The following WIPI2 variants were observed in gnomAD, a reference collection of about 807,000 sequenced individuals.
WIPI2 encodes the protein WD repeat domain phosphoinositide-interacting protein 2.
A neutral mutation model predicts 52.3 loss-of-function variants in WIPI2; 28 were observed. The observed-to-expected ratio is 0.54, with a 90% CI of 0.40 to 0.73. WIPI2 has a LOEUF of 0.73. WIPI2 is among the 30% of genes least tolerant of loss of function. The pLI is 0.00. For missense variants in WIPI2, 506 were observed against 602.9 expected (o/e 0.84, Z 1.68); for synonymous variants, 268 against 245.0 (o/e 1.09, Z -0.88).
intron 2 of WIPI2, among the ~76,000 whole-genome samples, chr7:5,195,434 C>T (rs1002865127): frequency 6.6e-6 from 1 of 152,078 alleles, no homozygotes; most frequent in Non-Finnish European, 1.5e-5. Flanking sequence ...TGCAGTAAGG[C>T]GAGATCGCAC....
Position 5,217,184 on chromosome 7 carries a change from T to C in WIPI2, c.573T>C (p.Asn191=). The C allele has an allele frequency of 6.2e-7, 1 of 1,614,132 alleles. No homozygotes were observed. The highest frequency in any genetic ancestry group is 1.3e-5 in the African/African-American group (1 of 75,038). ...IGEVQVFDTI[N]LRAANMIPAH... ...AGGTGCAGGTCTTCGATACCATTAA[T>C]TTGGTGAGATGCCTTTCCTGCTCGA... Residue 191 remains asparagine, a synonymous_variant, in exon 6 of 13, where the codon AAT becomes AAC. Transcript: ENST00000288828.
intron 3 of WIPI2, among the ~76,000 whole-genome samples, chr7:5,209,199 CAT>C (rs979371966): frequency 1.4e-4 from 22 of 152,160 alleles, no homozygotes; most frequent in African/African-American, 5.3e-4. Flanking sequence ...TTGCTAAATT[CAT>C]ATATTAAATA....
In WIPI2 at chr7:5,232,254, G is replaced by A. The variant is rs1379230443; in HGVS notation, c.*1307G>A. 1 of 398,564 alleles carries A rather than the reference G, an allele frequency of 2.5e-6. No individual in the cohort carries two copies. The highest frequency in any genetic ancestry group is 4.4e-6 in the Non-Finnish European group (1 of 226,086). The allele number at this position is 398,564 out of a possible 1,614,324, so 24.7% of individuals were successfully genotyped here. On this transcript the variant is annotated 3_prime_UTR_variant, in exon 13 of 13. Coordinates refer to ENST00000288828, the MANE Select transcript of WIPI2 (RefSeq NM_015610.4). ...GGCTGGGGTTTTTGAACCGAGGAAG[G>A]CTGGGACGCCTGTTTCCAGATGGTT... is the stretch of plus-strand genomic sequence containing the variant.
chr7:5,194,381 GGA>G (rs2115194554), intron 2 of WIPI2, among the ~76,000 whole-genome samples: 1 of 152,248 alleles, frequency 6.6e-6, no homozygotes, highest in South Asian at 2.1e-4. Context: ...TGATGAAGAA[GGA>G]GAGTCTTTAC....
chr7:5,222,734 T>C, intron 8 of WIPI2, 62 bp downstream of exon 8: 1 of 1,497,112 alleles, frequency 6.7e-7, no homozygotes, highest in Non-Finnish European at 9.3e-7. Flanking sequence ...AGTTTTATGT[T>C]ATCTATGAAC....
intron 3 of WIPI2, among the ~76,000 whole-genome samples, chr7:5,205,466 C>T (rs960032314): frequency 6.6e-6 from 1 of 152,208 alleles, no homozygotes; most frequent in Non-Finnish European, 1.5e-5. Flanking sequence ...GTTAGAGATT[C>T]AGGAAGCCCA....
At position 5,229,475 on chromosome 7, in the gene WIPI2, C is replaced by G; in HGVS notation, c.1122-133C>G. 5.5e-6 allele frequency: 6 copies of G among 1,089,206 alleles called. No individual in the cohort carries two copies. In the South Asian group the frequency reaches 1.0e-4, roughly 18 times the overall value. The allele number at this position is 1,089,206 out of a possible 1,614,324, so 67.5% of individuals were successfully genotyped here. A position where few individuals can be genotyped will look rare whatever the true frequency, so the allele number is the denominator to read the frequency against. On this transcript the variant is annotated intron_variant, in intron 11 of 12. Transcript: ENST00000288828. ...CAGATAGACGAGATTAAAGTTGCCACGGCGTGATGAATGCCTGGCGTCCTG... is the reference window on the plus strand; with the variant it reads ...CAGATAGACGAGATTAAAGTTGCCAGGGCGTGATGAATGCCTGGCGTCCTG...
At chr7:5,195,527 TAA>T (rs1318953533) in intron 2 of WIPI2, among the ~76,000 whole-genome samples, 2 of 152,210 alleles carry the variant, frequency 1.3e-5, no homozygotes, top group African/African-American at 4.8e-5. Flanking sequence ...TCTGTTGACT[TAA>T]AAATAAATAA....
chr7:5,222,955 G>T (rs918889818), intron 8 of WIPI2: 1 of 403,260 alleles, frequency 2.5e-6, no homozygotes, highest in African/African-American at 2.1e-5. Flanking sequence ...GCAGCTCCCA[G>T]CCTGCTGTAA....
chr7:5,203,625 C>CTTTTTTTTTTTTT (rs10709311), intron 3 of WIPI2, among the ~76,000 whole-genome samples: 1 of 66,394 alleles, frequency 1.5e-5, no homozygotes, highest in Non-Finnish European at 2.8e-5. Flanking sequence ...TACGTTCAGC[C>CTTTTTTTTTTTTT]TTTTTTTTTT....
chr7:5,195,119 G>A (rs1363508156), intron 2 of WIPI2, among the ~76,000 whole-genome samples: 1 of 152,160 alleles, frequency 6.6e-6, no homozygotes, highest in Admixed American at 6.5e-5. Context: ...GGGGATACTG[G>A]CAAAATGGGG....
At chr7:5,220,857 G>A (rs908157851) in intron 7 of WIPI2, among the ~76,000 whole-genome samples, 5 of 151,680 alleles carry the variant, frequency 3.3e-5, no homozygotes, top group African/African-American at 4.9e-5. Flanking sequence ...GCAATGGCGC[G>A]ATCTCAGCTC....
At position 5,232,927 on chromosome 7, in the gene WIPI2, A is replaced by T. The variant is rs1448386873; in HGVS notation, c.*1980A>T. 1 of 152,242 alleles carries T rather than the reference A, an allele frequency of 6.6e-6. No homozygotes were observed. Among genetic ancestry groups the T allele is most frequent in the East Asian group, 1.9e-4 (1 of 5,200 alleles). 9.4% of individuals were successfully genotyped at this position (152,242 alleles called of 1,614,324 possible). On this transcript the variant is annotated 3_prime_UTR_variant, in exon 13 of 13. Coordinates refer to ENST00000288828, the MANE Select transcript of WIPI2 (RefSeq NM_015610.4). ...CTTTCTTTGGGATTGGTAGTATAGA[A>T]GATGCTGGGAATTGTCTTCCTCGCT...
chr7:5,214,479 C>T (rs747164880), intron 3 of WIPI2, 56 bp from the exon 4 acceptor site: 14 of 1,613,914 alleles, frequency 8.7e-6, no homozygotes, highest in Middle Eastern at 3.3e-4. Context: ...CAGATTCTGC[C>T]TGTGGCCATA....
chr7:5,215,032 C>T (rs186249596), intron 4 of WIPI2, among the ~76,000 whole-genome samples: 67 of 152,344 alleles, frequency 4.4e-4, no homozygotes, highest in Non-Finnish European at 7.2e-4. Context: ...TATATTTGGC[C>T]GAGCACAGTG....
Position 5,230,923 on chromosome 7 carries a change from G to A in WIPI2, c.1341G>A (p.Pro447=), listed in dbSNP as rs535817238. The change falls in exon 13 of 13, where the codon CCG becomes CCA. Residue 447 remains proline (P), a synonymous_variant. Transcript: ENST00000288828. This position sits in a 1 kb window ranked among gnomAD's most constrained non-coding sequence, Gnocchi z 4.8. ...ALRLDEDSEH[P]PMILRTD ...GCCTGGATGAGGACAGCGAGCACCCGCCCATGATTCTTCGGACTGACTGAA... is the reference window on the plus strand; with the variant it reads ...GCCTGGATGAGGACAGCGAGCACCCACCCATGATTCTTCGGACTGACTGAA... The A allele has an allele frequency of 2.7e-5, 44 of 1,612,922 alleles. No homozygotes were observed. The highest frequency in any genetic ancestry group is 1.8e-4 in the South Asian group (16 of 90,842).
chr7:5,222,096 T>C lies in WIPI2; in HGVS notation c.670-506T>C, dbSNP rs1583583988. Among the ~76,000 whole-genome samples the C allele has an allele frequency of 3.9e-5, 6 of 152,172 alleles. No individual in the cohort carries two copies. In the South Asian group the frequency reaches 1.2e-3, roughly 32 times the overall value. On this transcript the variant is annotated intron_variant, in intron 7 of 12. Transcript: ENST00000288828. ...TCCCGAGTAGTTGGGATTACAGGCA[T>C]GCGCCACCACACCCAGCTAATTTTG...
chr7:5,190,663 C>G lies in WIPI2; in HGVS notation c.74+170C>G, dbSNP rs947310283. On this transcript the variant is annotated intron_variant, in intron 1 of 12. Transcript: ENST00000288828. ...CCCGGGGCGTGCAGGGAGGGGCGCCCTCCAGGGAGACCCTCGGGTGCTGGC... is the reference window on the plus strand; with the variant it reads ...CCCGGGGCGTGCAGGGAGGGGCGCCGTCCAGGGAGACCCTCGGGTGCTGGC... 11 of 535,956 alleles carry G rather than the reference C, an allele frequency of 2.1e-5. 1 individual carries two copies. In the African/African-American group the frequency reaches 2.2e-4, roughly 11 times the overall value. The allele number at this position is 535,956 out of a possible 1,614,324, so 33.2% of individuals were successfully genotyped here.
In WIPI2 at chr7:5,233,784, A is replaced by G. The variant is rs556731282; in HGVS notation, c.*2837A>G. The G allele has an allele frequency of 6.6e-6, 1 of 152,390 alleles. No individual in the cohort carries two copies. Among genetic ancestry groups the G allele is most frequent in the African/African-American group, 2.4e-5 (1 of 41,594 alleles). The allele number at this position is 152,390 out of a possible 1,614,324, so 9.4% of individuals were successfully genotyped here. A position where few individuals can be genotyped will look rare whatever the true frequency, so the allele number is the denominator to read the frequency against. On this transcript the variant is annotated 3_prime_UTR_variant, in exon 13 of 13. Transcript: ENST00000288828. The stretch of plus-strand genomic sequence containing the variant: ...CCTGCAAACGCCCAGCTCGGTGCCC[A>G]GCCAGCGGTGGGCACCCAATAAACG...
Sources: gnomAD v4.1 joint callset for allele counts (sites outside exome capture counted in the v4.1 genomes callset) on GRCh38, gnomAD v4.1.1 for gene constraint, Gnocchi (gnomAD v3.1) non-coding constraint, MANE v1.5 for transcripts, NCBI Gene and HGNC (gene_info 2026-07-23, HGNC 2026-07-21) for gene names.